The following LPP variants were observed in gnomAD, a reference collection of about 807,000 sequenced individuals.
The protein encoded by LPP is lipoma-preferred partner.
In LPP, 38 loss-of-function variants were observed where a neutral mutation model predicts 60.4. That is an observed-to-expected ratio of 0.63 (90% CI 0.49 to 0.83). LPP has a LOEUF of 0.83. LPP is among the 40% of genes least tolerant of loss of function. LPP has a pLI of 0.00. For missense variants in LPP, 902 were observed against 783.6 expected (o/e 1.15, Z -1.80); for synonymous variants, 328 against 290.8 (o/e 1.13, Z -1.30).
At chr3:188,347,244 G>A (rs138736246) in intron 3 of LPP, among the ~76,000 whole-genome samples, 3 of 152,242 alleles carry the variant, frequency 2.0e-5, no homozygotes, top group African/African-American at 7.2e-5. Flanking sequence ...GTAGAAAATG[G>A]TAGATGGGCC....
At chr3:188,594,664 T>A (rs1839631195) in intron 6 of LPP, among the ~76,000 whole-genome samples, 1 of 152,200 alleles carries the variant, frequency 6.6e-6, no homozygotes, top group African/African-American at 2.4e-5. Context: ...CAACTAAACA[T>A]CATATTTCTT....
At chr3:188,810,939 T>C (rs1750749076) in intron 9 of LPP, among the ~76,000 whole-genome samples, 1 of 152,160 alleles carries the variant, frequency 6.6e-6, no homozygotes, top group African/African-American at 2.4e-5. Flanking sequence ...GAATTATTTA[T>C]GGTTAGGTTC....
chr3:188,507,074 G>A (rs1304919060), intron 5 of LPP, among the ~76,000 whole-genome samples: 2 of 100,724 alleles, frequency 2.0e-5, no homozygotes, highest in African/African-American at 6.1e-5. Flanking sequence ...TGGGATTACA[G>A]GCATGAGCCA....
rs544154968 is a variant in LPP, at chr3:188,349,331, C to A, written c.-10+7612C>A. ...CTAATGAAATATTTTAGTTTCCTTG[C>A]TCAAAAAGCATATGGATGCTAAAAG... On this transcript the variant is annotated intron_variant, in intron 3 of 11. Coordinates refer to ENST00000617246, the MANE Select transcript of LPP (RefSeq NM_001375462.1). Among the ~76,000 whole-genome samples, 12 of 152,154 alleles carry A rather than the reference C, an allele frequency of 7.9e-5. No individual in the cohort carries two copies. The South Asian group carries it at 2.5e-3, about 32-fold the overall frequency.
intron 2 of LPP, among the ~76,000 whole-genome samples, chr3:188,325,509 C>A (rs56053437): frequency 1.3e-5 from 2 of 152,044 alleles, no homozygotes; most frequent in African/African-American, 4.8e-5. Context: ...CCCCATCATT[C>A]TTCTGTCATT....
chr3:188,592,557 G>GTTTTTTTTTTTTTTTTTTTTTTTT (rs1553936333), intron 6 of LPP, among the ~76,000 whole-genome samples: 9 of 85,792 alleles, frequency 1.0e-4, no homozygotes, highest in African/African-American at 3.2e-4. Flanking sequence ...TTTTGTTTTT[G>GTTTTTTTTTTTTTTTTTTTTTTTT]TTTTTTAAAT....
intron 9 of LPP, among the ~76,000 whole-genome samples, chr3:188,815,550 A>G (rs975577983): frequency 1.3e-5 from 2 of 152,174 alleles, no homozygotes; most frequent in East Asian, 1.9e-4. Flanking sequence ...AAAAGAAAAA[A>G]AAAAAGCAGC....
chr3:188,390,723 A>G (rs114858279), intron 3 of LPP, among the ~76,000 whole-genome samples: 1,532 of 152,198 alleles, frequency 0.01, 29 homozygotes, highest in African/African-American at 0.035. Context: ...TGAGAGATCT[A>G]AGCATTACTG....
intron 2 of LPP, among the ~76,000 whole-genome samples, chr3:188,318,266 TAAG>T (rs1326762123): frequency 6.6e-6 from 1 of 152,226 alleles, no homozygotes; most frequent in Non-Finnish European, 1.5e-5. Context: ...GGAATTCTGA[TAAG>T]AAAGAGCTAA....
chr3:188,802,383 G>A (rs936521692), intron 9 of LPP, among the ~76,000 whole-genome samples: 1 of 152,148 alleles, frequency 6.6e-6, no homozygotes, highest in African/African-American at 2.4e-5. Context: ...CTCAAAGCAA[G>A]GAATTAGGAT....
At chr3:188,839,220 T>C (rs996291835) in intron 9 of LPP, among the ~76,000 whole-genome samples, 30 of 152,138 alleles carry the variant, frequency 2.0e-4, no homozygotes, top group South Asian at 1.0e-3. Flanking sequence ...CTTTTAACTC[T>C]GAAACTGTCC....
intron 9 of LPP, among the ~76,000 whole-genome samples, chr3:188,827,855 A>G (rs1366291880): frequency 1.3e-5 from 2 of 152,154 alleles, no homozygotes; most frequent in Admixed American, 1.3e-4. Context: ...TGCTCCTCCC[A>G]TCTGCTTCCC....
At chr3:188,786,566 G>T (rs1370161460) in intron 9 of LPP, among the ~76,000 whole-genome samples, 2 of 152,028 alleles carry the variant, frequency 1.3e-5, no homozygotes, top group Non-Finnish European at 2.9e-5. Flanking sequence ...CCCAGCAGTT[G>T]CACTCCTGGG....
At chr3:188,271,774 A>T (rs556828543) in intron 2 of LPP, among the ~76,000 whole-genome samples, 1 of 152,304 alleles carries the variant, frequency 6.6e-6, no homozygotes, top group South Asian at 2.1e-4. Flanking sequence ...TTAGTTTCTC[A>T]GCTGAAATAA....
Position 188,251,639 on chromosome 3 carries a change from A to G in LPP, c.-67+26112A>G, listed in dbSNP as rs555081205. Among the ~76,000 whole-genome samples the G allele has an allele frequency of 3.7e-4, 56 of 152,208 alleles. 1 individual carries two copies. Among genetic ancestry groups the G allele is most frequent in the Middle Eastern group, 3.4e-3 (1 of 294 alleles). On this transcript the variant is annotated intron_variant, in intron 2 of 11. Coordinates refer to ENST00000617246, the MANE Select transcript of LPP (RefSeq NM_001375462.1). ...TAATACCACTTACTACACAAAACAA[A>G]TCTGTGAAAAAGAGTTGAGGATTTG...
rs1839064797 is a variant in LPP at position 188,592,558 on chromosome 3, T to TC, written c.430-16603_430-16602insC. Among the ~76,000 whole-genome samples the TC allele has an allele frequency of 1.5e-5, 2 of 129,766 alleles. 1 individual carries two copies. 85.1% of individuals were successfully genotyped at this position (129,766 alleles called of 152,430 possible). On this transcript the variant is annotated intron_variant, in intron 6 of 11. Transcript: ENST00000617246. ...ATCACTGTTTTTAGTTTTGTTTTTG[T>TC]TTTTTAAATGGAGTCTCACTCTTTC...
At chr3:188,361,833 G>A (rs1438633974) in intron 3 of LPP, among the ~76,000 whole-genome samples, 1 of 152,164 alleles carries the variant, frequency 6.6e-6, no homozygotes, top group African/African-American at 2.4e-5. Context: ...TTCCCAAAGT[G>A]TTGGGATTAC....
chr3:188,582,771 G>A (rs990509391), intron 6 of LPP, among the ~76,000 whole-genome samples: 15 of 152,052 alleles, frequency 9.9e-5, no homozygotes, highest in Admixed American at 2.6e-4. Flanking sequence ...AATGTTGTTC[G>A]GTATGTGGCA....
chr3:188,554,066 G>T (rs755602455), intron 6 of LPP: 5 of 152,242 alleles, frequency 3.3e-5, no homozygotes, highest in Non-Finnish European at 5.9e-5. Flanking sequence ...CCATGCATCT[G>T]TGAGACTGTA....
Sources: gnomAD v4.1 joint callset for allele counts (sites outside exome capture counted in the v4.1 genomes callset) on GRCh38, gnomAD v4.1.1 for gene constraint, MANE v1.5 for transcripts, NCBI Gene and HGNC (gene_info 2026-07-23, HGNC 2026-07-21) for gene names.